CSMD2: variants seen among roughly 807,000 people sequenced by gnomAD.
The protein encoded by CSMD2 is CUB and Sushi multiple domains 2, also known as CUB and sushi domain-containing protein 2.
Under a neutral mutation model 398.5 loss-of-function variants are expected in CSMD2, and 130 were observed. That is an observed-to-expected ratio of 0.33 (90% CI 0.28 to 0.38). The LOEUF (loss-of-function observed/expected upper bound fraction) is 0.38, where lower values mean the gene tolerates loss of function less well. Ranked by LOEUF, CSMD2 falls within the 10% of genes least tolerant of loss-of-function variation. CSMD2 has a pLI of 1.00. For missense variants in CSMD2, 3,829 were observed against 4,764.9 expected, an observed-to-expected ratio of 0.80 and a Z score of 5.78; for synonymous variants, 1,828 against 1,908.5, an observed-to-expected ratio of 0.96 and a Z score of 1.10.
intron 5 of CSMD2, among the ~76,000 whole-genome samples, chr1:33,897,401 A>C (rs1195769180): frequency 1.3e-5 from 2 of 152,192 alleles, no homozygotes; most frequent in African/African-American, 4.8e-5. Context: ...TCATCTGTGG[A>C]ATCTGGCAAC....
intron 5 of CSMD2, among the ~76,000 whole-genome samples, chr1:33,881,103 G>A (rs189459010): frequency 5.3e-4 from 81 of 152,266 alleles, no homozygotes; most frequent in Non-Finnish European, 7.2e-4. Flanking sequence ...AACACATTAC[G>A]CAGGGAGAAA....
intron 58 of CSMD2, among the ~76,000 whole-genome samples, chr1:33,541,932 A>T (rs1204338072): frequency 1.3e-5 from 2 of 152,132 alleles, no homozygotes; most frequent in East Asian, 3.9e-4. Context: ...GCCCAACAGC[A>T]CCTACACAGG....
rs545662805 is a variant in CSMD2, at chr1:33,932,199, T to G, written c.712+3561A>C. ...TTCATGGGCCAAGTTTGAAACAAGCTGAGGAGAACTTTAGCATAGTTCACT... is the reference window on the plus strand; with the variant it reads ...TTCATGGGCCAAGTTTGAAACAAGCGGAGGAGAACTTTAGCATAGTTCACT... On this transcript the variant is annotated intron_variant, in intron 4 of 70. Transcript: ENST00000373381. 1.8e-4 allele frequency among the ~76,000 whole-genome samples: 28 copies of G among 152,192 alleles called. 2 individuals are homozygous for G. In the South Asian group the frequency reaches 5.0e-3, roughly 27 times the overall value.
At position 33,920,411 on chromosome 1, in the gene CSMD2, G is replaced by A. The variant is rs1487461751; in HGVS notation, c.713-2110C>T. 6.0e-5 allele frequency among the ~76,000 whole-genome samples: 9 copies of A among 151,148 alleles called. 1 individual carries two copies. The highest frequency in any genetic ancestry group is 1.9e-4 in the African/African-American group (8 of 41,282). On this transcript the variant is annotated intron_variant, in intron 4 of 70. Transcript: ENST00000373381. Reference sequence around the variant, plus strand: ...AAAAAAGTTGGCTGGGTGTGGTGGCGCACATCTGTAGTCCCAGCTACCCGG... The same window carrying A: ...AAAAAAGTTGGCTGGGTGTGGTGGCACACATCTGTAGTCCCAGCTACCCGG...
At chr1:33,622,310 C>T in intron 36 of CSMD2, 39 bp from the exon 37 acceptor site, 2 of 1,464,894 alleles carry the variant, frequency 1.4e-6, no homozygotes, top group Non-Finnish European at 1.9e-6. Flanking sequence ...TTAAGTTTGG[C>T]TCCTCCAGGC....
chr1:33,827,599 T>A (rs1658977457), intron 6 of CSMD2, among the ~76,000 whole-genome samples: 1 of 152,238 alleles, frequency 6.6e-6, no homozygotes, highest in Admixed American at 6.5e-5. Context: ...CTATACCATT[T>A]ATGTAGTTAT....
chr1:33,669,876 T>C (rs115993435), intron 25 of CSMD2, among the ~76,000 whole-genome samples: 1,530 of 152,278 alleles, frequency 0.01, 19 homozygotes, highest in African/African-American at 0.033. Flanking sequence ...ATAGAAGTAA[T>C]GTGTCTGCAA....
intron 2 of CSMD2, among the ~76,000 whole-genome samples, chr1:34,052,897 C>A (rs1182430583): frequency 2.6e-5 from 4 of 152,048 alleles, no homozygotes; most frequent in Admixed American, 6.6e-5. Context: ...GTGGATTTGG[C>A]AATGAGGACA....
chr1:33,709,063 CAT>C lies in CSMD2; in HGVS notation c.3576+24_3576+25del, dbSNP rs774336382. 1.5e-5 allele frequency: 24 copies of C among 1,588,734 alleles called. No homozygotes were observed. The South Asian group carries it at 2.8e-4, about 18-fold the overall frequency. ...CTAGACTATTGCATACTATAACACA[CAT>C]ACTCTGAAATCGATCAATTTTACCT... On this transcript the variant is annotated intron_variant, in intron 22 of 70. Transcript: ENST00000373381.
intron 2 of CSMD2, among the ~76,000 whole-genome samples, chr1:34,046,903 A>G (rs1271258461): frequency 6.6e-6 from 1 of 152,074 alleles, no homozygotes; most frequent in Non-Finnish European, 1.5e-5. Flanking sequence ...CACCTTCATT[A>G]CTACCATCCT....
At chr1:33,680,818 T>A (rs1644883584) in intron 25 of CSMD2, among the ~76,000 whole-genome samples, 1 of 152,128 alleles carries the variant, frequency 6.6e-6, no homozygotes, top group African/African-American at 2.4e-5. Flanking sequence ...AATTAACCTT[T>A]ATTGTGTTAA....
intron 13 of CSMD2, among the ~76,000 whole-genome samples, chr1:33,754,267 G>C (rs1308750155): frequency 6.6e-6 from 1 of 152,134 alleles, no homozygotes; most frequent in Non-Finnish European, 1.5e-5. Flanking sequence ...CATCCCCTTG[G>C]CTACAAGTGA....
At chr1:34,042,575 C>T (rs1250528004) in intron 2 of CSMD2, among the ~76,000 whole-genome samples, 3 of 152,262 alleles carry the variant, frequency 2.0e-5, no homozygotes, top group South Asian at 2.1e-4. Flanking sequence ...AGCCCTGAGT[C>T]GTCCCTGAGT....
In CSMD2 at chr1:33,819,683, G is replaced by A. The variant is rs377156984; in HGVS notation, c.1324+30C>T. ...CCTCCAGGCTCAGCCCAACTCTCTG[G>A]CCAGCCTCCCTTCCCCAGGGCACCC... is the stretch of plus-strand genomic sequence containing the variant. On this transcript the variant is annotated intron_variant, in intron 9 of 70. Transcript: ENST00000373381. 238 of 1,606,718 alleles carry A rather than the reference G, an allele frequency of 1.5e-4. 1 individual carries two copies. The highest frequency in any genetic ancestry group is 1.6e-4 in the Non-Finnish European group (187 of 1,176,922).
At chr1:33,517,232 G>T (rs2148511405) in intron 70 of CSMD2, among the ~76,000 whole-genome samples, 1 of 152,332 alleles carries the variant, frequency 6.6e-6, no homozygotes, top group East Asian at 1.9e-4. Flanking sequence ...TTATGCTCCA[G>T]CTGTGGGCAG....
chr1:34,134,523 G>A (rs1037515623), intron 1 of CSMD2, among the ~76,000 whole-genome samples: 4 of 152,078 alleles, frequency 2.6e-5, no homozygotes, highest in African/African-American at 9.7e-5. Flanking sequence ...AAGGGAAAAA[G>A]GTCTTTCTCT....
At chr1:33,616,624 G>C (rs541068772) in intron 39 of CSMD2, among the ~76,000 whole-genome samples, 1 of 152,302 alleles carries the variant, frequency 6.6e-6, no homozygotes, top group South Asian at 2.1e-4. Flanking sequence ...TTCCATCTGG[G>C]ATCTGGTTGA....
intron 3 of CSMD2, among the ~76,000 whole-genome samples, chr1:33,976,889 A>C (rs901485788): frequency 1.3e-5 from 2 of 151,894 alleles, no homozygotes; most frequent in East Asian, 3.9e-4. Context: ...TTGGTTCTTT[A>C]CCCCTTCCCT....
chr1:33,556,039 TCAAGAGAACCAGAATTAGAGCAG>T lies in CSMD2; in HGVS notation c.8743+1672_8743+1694del, dbSNP rs1657935779. On this transcript the variant is annotated intron_variant, in intron 55 of 70. Coordinates refer to ENST00000373381, the MANE Select transcript of CSMD2 (RefSeq NM_001281956.2). ...ATCTCACTCCTCCACTGAAGCAGCA[TCAAGAGAACCAGAATTAGAGCAG>T]CAAGAGAACCAGAATTAGAAGAGGA... 2.6e-5 allele frequency among the ~76,000 whole-genome samples: 4 copies of T among 152,200 alleles called. 1 individual carries two copies. In the South Asian group the frequency reaches 8.3e-4, roughly 32 times the overall value.
Sources: allele counts gnomAD v4.1 joint callset (sites outside exome capture counted in the v4.1 genomes callset), GRCh38; gene constraint gnomAD v4.1.1; transcripts MANE v1.5; gene names NCBI Gene and HGNC (gene_info 2026-07-23, HGNC 2026-07-21).